The following RNF24 variants were observed in gnomAD, a reference collection of about 807,000 sequenced individuals.
The protein encoded by RNF24 is ring finger protein 24.
RNF24 carries 14 observed loss-of-function variants against 20.0 expected under a neutral mutation model. The observed-to-expected ratio is 0.70, with a 90% CI of 0.46 to 1.10. The LOEUF is 1.10. Ranked by LOEUF, RNF24 falls within the 50% of genes least tolerant of loss-of-function variation. The pLI, the probability that RNF24 is intolerant of heterozygous loss-of-function variation, is 0.00. For synonymous variants in RNF24, 45 were observed against 61.1 expected (o/e 0.74, Z 1.23); for missense variants, 124 against 177.6 (o/e 0.70, Z 1.71).
intron 1 of RNF24, among the ~76,000 whole-genome samples, chr20:3,997,229 C>CAAAA (rs1227396478): frequency 9.8e-5 from 5 of 51,204 alleles, no homozygotes; most frequent in Admixed American, 2.2e-4. Flanking sequence ...GACTCCATCT[C>CAAAA]AAAAAAAAAA....
At chr20:3,957,013 CT>C (rs2091150044) in intron 2 of RNF24, among the ~76,000 whole-genome samples, 1 of 152,038 alleles carries the variant, frequency 6.6e-6, no homozygotes, top group African/African-American at 2.4e-5. Context: ...TGGGCATCAG[CT>C]GGGCTCAGTG....
intron 1 of RNF24, among the ~76,000 whole-genome samples, chr20:4,007,340 G>T (rs13041995): frequency 1.3e-5 from 2 of 152,172 alleles, no homozygotes; most frequent in South Asian, 2.1e-4. Context: ...GAGCCTGTCT[G>T]TATTTTTTAT....
At chr20:3,937,451 C>T (rs2090904489) in intron 4 of RNF24, among the ~76,000 whole-genome samples, 1 of 152,186 alleles carries the variant, frequency 6.6e-6, no homozygotes, top group African/African-American at 2.4e-5. Context: ...TACAATTAAT[C>T]TACTATAATA....
rs1248593900 is a variant in RNF24, at chr20:3,934,244, C to G, written c.309-43G>C. ...ACAGGGGGAAGATGTCAGTCCTATGCTCATGGCACGGCTGTTCTGCTGAAC... is the reference window on the plus strand; with the variant it reads ...ACAGGGGGAAGATGTCAGTCCTATGGTCATGGCACGGCTGTTCTGCTGAAC... On this transcript the variant is annotated intron_variant, in intron 5 of 5. Coordinates refer to ENST00000358395, the MANE Select transcript of RNF24 (RefSeq NM_001134337.3). The surrounding 1 kb of genome is among the most constrained non-coding windows in gnomAD (Gnocchi z 4.0). The G allele has an allele frequency of 6.3e-7, 1 of 1,582,822 alleles. No homozygotes were observed. The highest frequency in any genetic ancestry group is 8.6e-7 in the Non-Finnish European group (1 of 1,165,116).
At chr20:3,990,743 G>A (rs1415380497) in intron 1 of RNF24, among the ~76,000 whole-genome samples, 1 of 151,934 alleles carries the variant, frequency 6.6e-6, no homozygotes, top group African/African-American at 2.4e-5. Context: ...GGGCATGGTG[G>A]CACATGCTTT....
chr20:4,007,859 T>G lies in RNF24; in HGVS notation c.-8+7578A>C, dbSNP rs540726092. The stretch of plus-strand genomic sequence containing the variant: ...TGAGCCCTGGAGGTTAAGGCTGCAG[T>G]GAGTTGGAGATCACACCACTGCACT... On this transcript the variant is annotated intron_variant, in intron 1 of 5. Coordinates refer to ENST00000358395, the MANE Select transcript of RNF24 (RefSeq NM_001134337.3). Among the ~76,000 whole-genome samples the G allele has an allele frequency of 1.1e-3, 166 of 150,512 alleles. 1 individual carries two copies. Among genetic ancestry groups the G allele is most frequent in the African/African-American group, 3.5e-3 (144 of 40,880 alleles).
chr20:3,979,907 C>T (rs1038863760), intron 1 of RNF24, among the ~76,000 whole-genome samples: 1 of 151,812 alleles, frequency 6.6e-6, no homozygotes, highest in South Asian at 2.1e-4. Flanking sequence ...TAAATGGACA[C>T]AAGAATTCAA....
Position 3,929,756 on chromosome 20 carries a change from C to CA in RNF24, c.*4306dup, listed in dbSNP as rs1314304919. On this transcript the variant is annotated 3_prime_UTR_variant, in exon 6 of 6. Transcript: ENST00000358395. ...GAGCATCCTGTCGCAGATAGAAAGT[C>CA]AATCAGAAAAATCTGGTTGTGCTCT... 7 of 152,192 alleles carry CA rather than the reference C, an allele frequency of 4.6e-5. No homozygotes were observed. The highest frequency in any genetic ancestry group is 8.8e-5 in the Non-Finnish European group (6 of 68,006). 9.4% of individuals were successfully genotyped at this position (152,192 alleles called of 1,614,324 possible).
chr20:3,996,077 G>A (rs1213103772), intron 1 of RNF24, among the ~76,000 whole-genome samples: 2 of 152,166 alleles, frequency 1.3e-5, no homozygotes, highest in Admixed American at 1.3e-4. Flanking sequence ...AGGAATGAAT[G>A]ATGAGTGCCT....
intron 2 of RNF24, among the ~76,000 whole-genome samples, chr20:3,962,131 T>C (rs1159201731): frequency 1.3e-5 from 2 of 152,138 alleles, no homozygotes; most frequent in Non-Finnish European, 2.9e-5. Flanking sequence ...GGCGGGTGGA[T>C]TGCTTGAACT....
rs2090856564 is a variant in RNF24, at chr20:3,933,843, C to T, written c.*220G>A. 5.3e-6 allele frequency: 2 copies of T among 377,734 alleles called. No individual in the cohort carries two copies. 23.4% of individuals were successfully genotyped at this position (377,734 alleles called of 1,614,324 possible). A position where few individuals can be genotyped will look rare whatever the true frequency, so the allele number is the denominator to read the frequency against. Reference sequence around the variant, plus strand: ...TCTTGAGGCAAACCCGCAGGCTCATCCACTCCTCTTCTCTCGGCAGGGGGT... The same window carrying T: ...TCTTGAGGCAAACCCGCAGGCTCATTCACTCCTCTTCTCTCGGCAGGGGGT... On this transcript the variant is annotated 3_prime_UTR_variant, in exon 6 of 6. Transcript: ENST00000358395.
intron 4 of RNF24, among the ~76,000 whole-genome samples, chr20:3,935,311 G>A (rs1320595370): frequency 6.6e-6 from 1 of 152,226 alleles, no homozygotes; most frequent in South Asian, 2.1e-4. Flanking sequence ...AAGACAGAAA[G>A]CAAGAGGCAG....
At position 3,929,573 on chromosome 20, in the gene RNF24, C is replaced by CTAAG. The variant is rs893187839; in HGVS notation, c.*4486_*4489dup. On this transcript the variant is annotated 3_prime_UTR_variant, in exon 6 of 6. Transcript: ENST00000358395. ...CTGCATCAAAGACACAAGAGCTTGC[C>CTAAG]TAAGTGACCACAACAGTTGCAGCCA... The CTAAG allele has an allele frequency of 6.6e-6, 1 of 152,326 alleles. No individual in the cohort carries two copies. Among genetic ancestry groups the CTAAG allele is most frequent in the Non-Finnish European group, 1.5e-5 (1 of 68,124 alleles). 9.4% of individuals were successfully genotyped at this position (152,326 alleles called of 1,614,324 possible). A position where few individuals can be genotyped will look rare whatever the true frequency, so the allele number is the denominator to read the frequency against.
intron 1 of RNF24, among the ~76,000 whole-genome samples, chr20:4,006,412 C>T (rs1023331493): frequency 6.0e-5 from 9 of 150,456 alleles, no homozygotes; most frequent in African/African-American, 2.2e-4. Context: ...GCAAGCTTTA[C>T]AACAAGATGG....
chr20:3,974,410 G>A, intron 1 of RNF24: 1 of 1,540,886 alleles, frequency 6.5e-7, no homozygotes, highest in Non-Finnish European at 8.7e-7. Flanking sequence ...TCTAGCCAGT[G>A]CAATAAGGTA....
chr20:3,995,005 A>T (rs535345621), intron 1 of RNF24, among the ~76,000 whole-genome samples: 1 of 152,374 alleles, frequency 6.6e-6, no homozygotes, highest in South Asian at 2.1e-4. Context: ...AATGTCACTG[A>T]TAGTTTAGCA....
intron 1 of RNF24, among the ~76,000 whole-genome samples, chr20:3,966,306 A>C (rs2091257388): frequency 6.6e-6 from 1 of 152,142 alleles, no homozygotes; most frequent in Admixed American, 6.5e-5. Context: ...TAAATGTCAG[A>C]GCTTGGCCCA....
chr20:3,939,965 A>T (rs1448430298), intron 4 of RNF24, among the ~76,000 whole-genome samples: 4 of 150,354 alleles, frequency 2.7e-5, no homozygotes, highest in South Asian at 2.1e-4. Context: ...CGAAAAAAAA[A>T]TTTTTTTTTT....
Position 3,932,906 on chromosome 20 carries a change from A to G in RNF24, c.*1157T>C. 1.0e-5 allele frequency: 4 copies of G among 398,614 alleles called. No homozygotes were observed. The highest frequency in any genetic ancestry group is 1.8e-5 in the Non-Finnish European group (4 of 226,056). 24.7% of individuals were successfully genotyped at this position (398,614 alleles called of 1,614,324 possible). ...GTTTCTCTCCTATAAAGACACTTTC[A>G]CTTTCAGTTTCGGAAGTCCAAATAC... On this transcript the variant is annotated 3_prime_UTR_variant, in exon 6 of 6. Transcript: ENST00000358395.
Sources: allele counts gnomAD v4.1 joint callset (sites outside exome capture counted in the v4.1 genomes callset), GRCh38; gene constraint gnomAD v4.1.1; non-coding constraint Gnocchi (gnomAD v3.1); transcripts MANE v1.5; gene names NCBI Gene and HGNC (gene_info 2026-07-23, HGNC 2026-07-21).